ASAP1: variants seen among roughly 807,000 people sequenced by gnomAD.
The protein encoded by ASAP1 is arf-GAP with SH3 domain, ANK repeat and PH domain-containing protein 1.
ASAP1 carries 43 observed loss-of-function variants against 145.2 expected under a neutral mutation model. The observed-to-expected ratio is 0.30, with a 90% CI of 0.23 to 0.38. The LOEUF (loss-of-function observed/expected upper bound fraction) is 0.38. ASAP1 is among the 10% of genes least tolerant of loss of function. ASAP1 has a pLI of 1.00. For missense variants in ASAP1, 1,018 were observed against 1,355.3 expected (o/e 0.75, Z 3.91); for synonymous variants, 546 against 515.5 (o/e 1.06, Z -0.80).
chr8:130,197,914 C>T (rs148959393), intron 5 of ASAP1, among the ~76,000 whole-genome samples: 65 of 152,204 alleles, frequency 4.3e-4, no homozygotes, highest in African/African-American at 1.4e-3. Context: ...ATATAAGCTA[C>T]GTGCTGTTCA....
chr8:130,127,781 G>A (rs1410684155), intron 16 of ASAP1, 146 bp downstream of exon 16: 1 of 949,276 alleles, frequency 1.1e-6, no homozygotes, highest in African/African-American at 1.7e-5. Context: ...CTCAGCGGTA[G>A]GAAAAATCAC....
intron 26 of ASAP1, among the ~76,000 whole-genome samples, chr8:130,077,834 G>A (rs1183765020): frequency 6.6e-6 from 1 of 151,994 alleles, no homozygotes; most frequent in Non-Finnish European, 1.5e-5. Flanking sequence ...CTGGGCAACG[G>A]GGGAATATTG....
intron 24 of ASAP1, among the ~76,000 whole-genome samples, chr8:130,101,759 A>C (rs1407252735): frequency 3.3e-5 from 1 of 30,098 alleles, no homozygotes; most frequent in Non-Finnish European, 6.1e-5. Context: ...TTTTGCAGAG[A>C]TAGGGTTTCA....
intron 3 of ASAP1, among the ~76,000 whole-genome samples, chr8:130,330,159 C>G (rs550822911): frequency 6.6e-6 from 1 of 152,222 alleles, no homozygotes; most frequent in Non-Finnish European, 1.5e-5. Context: ...GTACTGTACA[C>G]AAACCCACAA....
intron 3 of ASAP1, among the ~76,000 whole-genome samples, chr8:130,244,319 T>C (rs530401710): frequency 6.6e-6 from 1 of 152,284 alleles, no homozygotes; most frequent in East Asian, 1.9e-4. Context: ...GAACTCCTTG[T>C]TGCCTTGCCC....
At chr8:130,297,284 C>G (rs549747481) in intron 3 of ASAP1, among the ~76,000 whole-genome samples, 1 of 152,170 alleles carries the variant, frequency 6.6e-6, no homozygotes, top group Non-Finnish European at 1.5e-5. Context: ...ACTCAAGTCC[C>G]GTAGTCGGCC....
chr8:130,443,306 G>A (rs893457704), intron 1 of ASAP1, among the ~76,000 whole-genome samples, 154 bp downstream of exon 1: 97 of 151,548 alleles, frequency 6.4e-4, no homozygotes, highest in Non-Finnish European at 1.2e-3. Context: ...CCCTCCCCGC[G>A]GAGAAGGACA....
intron 2 of ASAP1, among the ~76,000 whole-genome samples, chr8:130,382,621 C>T (rs1340913329): frequency 6.6e-6 from 1 of 152,116 alleles, no homozygotes; most frequent in Non-Finnish European, 1.5e-5. Flanking sequence ...CTGAGGTGGG[C>T]GGATCACTTG....
chr8:130,070,132 G>A (rs2097439517), intron 27 of ASAP1, among the ~76,000 whole-genome samples: 1 of 150,816 alleles, frequency 6.6e-6, no homozygotes, highest in Non-Finnish European at 1.5e-5. Context: ...CGCCTCCCGG[G>A]TTCACGCCAT....
intron 3 of ASAP1, among the ~76,000 whole-genome samples, chr8:130,320,941 C>T (rs1021924510): frequency 2.0e-5 from 3 of 152,168 alleles, no homozygotes; most frequent in African/African-American, 7.2e-5. Flanking sequence ...AAACAACTAA[C>T]GGGCTAGCCA....
At chr8:130,158,982 C>A (rs1019412340) in intron 12 of ASAP1, among the ~76,000 whole-genome samples, 4 of 152,074 alleles carry the variant, frequency 2.6e-5, no homozygotes, top group Non-Finnish European at 5.9e-5. Flanking sequence ...CTGCCCACCT[C>A]GGCCTCCCAA....
At chr8:130,171,957 G>C (rs1317146660) in intron 9 of ASAP1, among the ~76,000 whole-genome samples, 2 of 152,198 alleles carry the variant, frequency 1.3e-5, no homozygotes, top group African/African-American at 4.8e-5. Context: ...AAGTTTTGAA[G>C]GTAGAGCATT....
intron 3 of ASAP1, among the ~76,000 whole-genome samples, chr8:130,285,926 A>G (rs1193157758): frequency 6.6e-6 from 1 of 151,976 alleles, no homozygotes; most frequent in East Asian, 1.9e-4. Context: ...ACTGGAACAG[A>G]TATCATAAAT....
chr8:130,104,105 C>A (rs1462186369), intron 24 of ASAP1, among the ~76,000 whole-genome samples: 1 of 152,188 alleles, frequency 6.6e-6, no homozygotes, highest in African/African-American at 2.4e-5. Context: ...CTCCACAGCT[C>A]TCCTGCCAGG....
chr8:130,177,197 G>A (rs897267157), intron 9 of ASAP1, among the ~76,000 whole-genome samples: 2 of 152,196 alleles, frequency 1.3e-5, no homozygotes, highest in African/African-American at 4.8e-5. Flanking sequence ...CAAAGAATAA[G>A]AGAATAAAGG....
rs542586213 is a variant in ASAP1 at position 130,236,445 on chromosome 8, A to C, written c.259+477T>G. ...CAGGTTATCTGGCACACCTTCCAAC[A>C]AAAGAAAAGATGATAGTTCACAGGT... On this transcript the variant is annotated intron_variant, in intron 4 of 29. Transcript: ENST00000518721. Among the ~76,000 whole-genome samples the C allele has an allele frequency of 5.3e-5, 8 of 152,124 alleles. No individual in the cohort carries two copies. The South Asian group carries it at 1.7e-3, about 31-fold the overall frequency.
chr8:130,300,153 C>CACACACACAGAGAG (rs1196584279), intron 3 of ASAP1, among the ~76,000 whole-genome samples: 7 of 76,924 alleles, frequency 9.1e-5, no homozygotes, highest in Admixed American at 3.1e-4. Context: ...CACACACACA[C>CACACACACAGAGAG]AGAGAGAGAG....
At chr8:130,431,645 A>C (rs903824310) in intron 1 of ASAP1, among the ~76,000 whole-genome samples, 7 of 152,054 alleles carry the variant, frequency 4.6e-5, no homozygotes, top group African/African-American at 1.7e-4. Context: ...CCTCTTCCTA[A>C]GTGCCCATTA....
chr8:130,308,748 T>C (rs1823143396), intron 3 of ASAP1, among the ~76,000 whole-genome samples: 1 of 152,080 alleles, frequency 6.6e-6, no homozygotes, highest in Admixed American at 6.5e-5. Context: ...GCCTGTAGAA[T>C]GATGATGAAG....
Sources: allele counts gnomAD v4.1 joint callset (sites outside exome capture counted in the v4.1 genomes callset), GRCh38; gene constraint gnomAD v4.1.1; transcripts MANE v1.5; gene names NCBI Gene and HGNC (gene_info 2026-07-23, HGNC 2026-07-21).